The following ESR2 variants were observed in gnomAD, a reference collection of about 807,000 sequenced individuals.
The protein encoded by ESR2 is estrogen receptor 2.
ESR2 carries 36 observed loss-of-function variants against 49.6 expected under a neutral mutation model. The observed-to-expected ratio is 0.73, with a 90% CI of 0.56 to 0.96. The LOEUF is 0.96. Ranked by LOEUF, ESR2 falls within the 40% of genes least tolerant of loss-of-function variation. The pLI is 0.00. For missense variants in ESR2, 714 were observed against 693.0 expected (o/e 1.03, Z -0.34); for synonymous variants, 320 against 266.1 (o/e 1.20, Z -1.97).
At chr14:64,327,557 G>A (rs140062151) in intron 1 of ESR2, among the ~76,000 whole-genome samples, 72 of 152,054 alleles carry the variant, frequency 4.7e-4, no homozygotes, top group African/African-American at 1.6e-3. Flanking sequence ...TTAGCCGGGT[G>A]TGGTGACGGG....
intron 3 of ESR2, among the ~76,000 whole-genome samples, chr14:64,269,548 C>T (rs2076397107): frequency 6.6e-6 from 1 of 152,158 alleles, no homozygotes; most frequent in Non-Finnish European, 1.5e-5. Flanking sequence ...CTTTTTATAG[C>T]CAATGATATA....
At chr14:64,295,202 C>A (rs2076941462), upstream of ESR2, among the ~76,000 whole-genome samples, 1 of 152,098 alleles carries the variant, frequency 6.6e-6, no homozygotes, top group Admixed American at 6.5e-5. Flanking sequence ...TGTGAGAACC[C>A]CCCAGTGTCA....
At chr14:64,262,324 AG>A (rs1231615355) in intron 4 of ESR2, among the ~76,000 whole-genome samples, 1 of 152,056 alleles carries the variant, frequency 6.6e-6, no homozygotes, top group African/African-American at 2.4e-5. Context: ...CATGTTGCCC[AG>A]GCTGGTCTCG....
At chr14:64,274,277 TCTTGTTA>T (rs756343517) in intron 3 of ESR2, among the ~76,000 whole-genome samples, 3 of 152,188 alleles carry the variant, frequency 2.0e-5, no homozygotes, top group South Asian at 4.1e-4. Context: ...ACAGCTTCAA[TCTTGTTA>T]CTTGTTACTG....
At chr14:64,290,010 T>A (rs61984416) in intron 1 of ESR2, among the ~76,000 whole-genome samples, 11,239 of 152,240 alleles carry the variant, frequency 0.074, 506 homozygotes, top group Non-Finnish European at 0.093. Flanking sequence ...GGAAAAGATT[T>A]AAAAAGATTT....
At chr14:64,263,542 A>C (rs1398329045) in intron 4 of ESR2, among the ~76,000 whole-genome samples, 1 of 152,110 alleles carries the variant, frequency 6.6e-6, no homozygotes, top group Non-Finnish European at 1.5e-5. Flanking sequence ...CTGTAGTCCC[A>C]GCTACTCAAG....
intron 7 of ESR2, among the ~76,000 whole-genome samples, chr14:64,243,166 G>T (rs940553203): frequency 6.6e-6 from 1 of 152,194 alleles, no homozygotes; most frequent in Non-Finnish European, 1.5e-5. Context: ...TTCCTCAAAT[G>T]CATGGTAGAA....
intron 1 of ESR2, among the ~76,000 whole-genome samples, chr14:64,312,902 C>T (rs984180331): frequency 6.6e-6 from 1 of 151,634 alleles, no homozygotes; most frequent in Non-Finnish European, 1.5e-5. Context: ...GAGTGAGACT[C>T]CATCACAAAA....
At chr14:64,264,890 G>GAA (rs1239710240) in intron 4 of ESR2, among the ~76,000 whole-genome samples, 1 of 117,222 alleles carries the variant, frequency 8.5e-6, no homozygotes. Flanking sequence ...AAAAAAAAAA[G>GAA]AAAAAAAAAA....
At chr14:64,295,687 C>G (rs1400667742), upstream of ESR2, among the ~76,000 whole-genome samples, 1 of 152,056 alleles carries the variant, frequency 6.6e-6, no homozygotes, top group Admixed American at 6.5e-5. Flanking sequence ...CTCAAAGTAC[C>G]CAGTCCCCAT....
At chr14:64,306,938 A>G (rs553813087) in intron 1 of ESR2, among the ~76,000 whole-genome samples, 177 of 152,298 alleles carry the variant, frequency 1.2e-3, no homozygotes, top group Middle Eastern at 0.01. Flanking sequence ...TTAAACTACA[A>G]ATTCAATTTT....
chr14:64,264,005 C>A (rs2076273133), intron 4 of ESR2, among the ~76,000 whole-genome samples: 1 of 152,100 alleles, frequency 6.6e-6, no homozygotes, highest in African/African-American at 2.4e-5. Context: ...TGAGCACCAA[C>A]ATCTTTATAA....
intron 7 of ESR2, among the ~76,000 whole-genome samples, chr14:64,237,335 A>G (rs1263176157): frequency 6.6e-6 from 1 of 152,212 alleles, no homozygotes; most frequent in African/African-American, 2.4e-5. Flanking sequence ...TGTTTTAGGT[A>G]CACACAGAAA....
At chr14:64,263,194 C>T (rs1412001889) in intron 4 of ESR2, among the ~76,000 whole-genome samples, 1 of 151,954 alleles carries the variant, frequency 6.6e-6, no homozygotes, top group African/African-American at 2.4e-5. Flanking sequence ...TATAGAAAAA[C>T]AAAGTAGACA....
At chr14:64,257,481 G>A (rs1267461933) in intron 5 of ESR2, 117 bp from the exon 6 acceptor site, 1 of 1,288,340 alleles carries the variant, frequency 7.8e-7, no homozygotes, top group Non-Finnish European at 1.1e-6. Flanking sequence ...TTAGGGAGTT[G>A]ATATTTTATA....
At chr14:64,261,147 CAAAT>C (rs972371260) in intron 4 of ESR2, among the ~76,000 whole-genome samples, 71 of 150,184 alleles carry the variant, frequency 4.7e-4, no homozygotes, top group Admixed American at 1.7e-3. Flanking sequence ...TTTCAAATAA[CAAAT>C]TAAGTGAAAA....
At position 64,240,693 on chromosome 14, in the gene ESR2, T is replaced by C. The variant is rs182350266; in HGVS notation, c.1226-5543A>G. 1.3e-3 allele frequency among the ~76,000 whole-genome samples: 204 copies of C among 152,338 alleles called. 2 individuals carry two copies. The highest frequency in any genetic ancestry group is 2.1e-3 in the South Asian group (10 of 4,832). The stretch of plus-strand genomic sequence containing the variant: ...CATTCAGTAGAAACTGTACTTCCAG[T>C]ACACATACAACCATTGTGTTTTTTC... On this transcript the variant is annotated intron_variant, in intron 7 of 8. Transcript: ENST00000341099.
chr14:64,264,034 C>T (rs1392796202), intron 4 of ESR2, among the ~76,000 whole-genome samples: 1 of 151,962 alleles, frequency 6.6e-6, no homozygotes, highest in African/African-American at 2.4e-5. Context: ...CGGTTAAAGA[C>T]AAAAAATGTA....
At chr14:64,321,689 C>G (rs1047769649) in intron 1 of ESR2, among the ~76,000 whole-genome samples, 1 of 152,110 alleles carries the variant, frequency 6.6e-6, no homozygotes, top group Non-Finnish European at 1.5e-5. Context: ...AAAAGAAAAG[C>G]CCAGTGGTCA....
Sources: gnomAD v4.1 joint callset for allele counts (sites outside exome capture counted in the v4.1 genomes callset) on GRCh38, gnomAD v4.1.1 for gene constraint, MANE v1.5 for transcripts, NCBI Gene and HGNC (gene_info 2026-07-23, HGNC 2026-07-21) for gene names.